GABBR2: variants seen among roughly 807,000 people sequenced by gnomAD.
The protein encoded by GABBR2 is gamma-aminobutyric acid type B receptor subunit 2.
Under a neutral mutation model 105.6 loss-of-function variants are expected in GABBR2, and 23 were observed. The ratio of observed to expected loss-of-function variants is 0.22; its 90% CI spans 0.16 to 0.31. The LOEUF is 0.31. Among genes scored for constraint, GABBR2 ranks in the 10% least tolerant of loss-of-function variants. The probability of loss-of-function intolerance (pLI) is 1.00; values close to 1 mark genes in which losing one functional copy is unlikely to be tolerated. For missense variants in GABBR2, 734 were observed against 1,245.5 expected (o/e 0.59, Z 6.18); for synonymous variants, 478 against 499.7 (o/e 0.96, Z 0.58).
chr9:98,377,016 C>T (rs1191060188), intron 11 of GABBR2, among the ~76,000 whole-genome samples: 3 of 152,222 alleles, frequency 2.0e-5, no homozygotes, highest in Non-Finnish European at 4.4e-5. Context: ...CGATCACAGG[C>T]CGAAATTCAG....
chr9:98,484,242 G>A (rs1588187540), intron 4 of GABBR2, among the ~76,000 whole-genome samples: 1 of 152,306 alleles, frequency 6.6e-6, no homozygotes. Flanking sequence ...CGAGTTGCAA[G>A]GACCACTTTG....
At chr9:98,591,377 G>A (rs74442750) in intron 1 of GABBR2, among the ~76,000 whole-genome samples, 1,791 of 152,284 alleles carry the variant, frequency 0.012, 33 homozygotes, top group African/African-American at 0.041. Context: ...CAGTGCGTCG[G>A]GAACACTGAA....
chr9:98,393,308 T>C (rs111359828), intron 9 of GABBR2, among the ~76,000 whole-genome samples: 3,119 of 120,894 alleles, frequency 0.026, no homozygotes, highest in African/African-American at 0.11. Context: ...TCCATCCATC[T>C]GCCCATTCAC....
intron 1 of GABBR2, chr9:98,608,087 T>G (rs1225443695): frequency 3.1e-6 from 4 of 1,311,208 alleles, no homozygotes; most frequent in Non-Finnish European, 4.4e-6. Context: ...AACAACGAAC[T>G]CTTCGAGAAC....
At chr9:98,305,738 C>T (rs1050094063) in intron 15 of GABBR2, among the ~76,000 whole-genome samples, 5 of 151,770 alleles carry the variant, frequency 3.3e-5, no homozygotes, top group African/African-American at 1.2e-4. Context: ...TTGCTCGATT[C>T]CGGGAGGTTG....
rs10985785 is a variant in GABBR2, at chr9:98,298,424, C to T, written c.2542+800G>A. ...GAACATCTCTGTGTTCATCTCTGCA[C>T]ACCTGGGAGTATTTGCAAGGGGCAG... On this transcript the variant is annotated intron_variant, in intron 17 of 18. Coordinates refer to ENST00000259455, the MANE Select transcript of GABBR2 (RefSeq NM_005458.8). 5.3e-4 allele frequency among the ~76,000 whole-genome samples: 81 copies of T among 152,328 alleles called. 3 individuals are homozygous for T. The highest frequency in any genetic ancestry group is 3.5e-3 in the Admixed American group (53 of 15,304).
intron 1 of GABBR2, among the ~76,000 whole-genome samples, chr9:98,582,200 G>A (rs1451012309): frequency 1.3e-5 from 2 of 152,218 alleles, no homozygotes; most frequent in Non-Finnish European, 2.9e-5. Flanking sequence ...TAAGCCCAGT[G>A]TAGTCACATA....
intron 7 of GABBR2, among the ~76,000 whole-genome samples, chr9:98,436,963 G>T (rs72759694): frequency 6.6e-6 from 1 of 152,118 alleles, no homozygotes; most frequent in Admixed American, 6.5e-5. Context: ...CAGCAGAAAT[G>T]CCCTAAGAAG....
chr9:98,355,554 C>T (rs1295685482), intron 13 of GABBR2, among the ~76,000 whole-genome samples: 1 of 152,040 alleles, frequency 6.6e-6, no homozygotes, highest in African/African-American at 2.4e-5. Context: ...CCACAATACT[C>T]TAATGAAAGA....
intron 17 of GABBR2, among the ~76,000 whole-genome samples, chr9:98,295,200 T>C (rs1830361057): frequency 6.6e-6 from 1 of 152,198 alleles, no homozygotes. Flanking sequence ...TGTGGGAAAA[T>C]GTGAGTTGCA....
At chr9:98,577,869 T>C (rs546690304) in intron 2 of GABBR2, 66 bp downstream of exon 2, 2 of 1,483,366 alleles carry the variant, frequency 1.3e-6, no homozygotes, top group Admixed American at 2.0e-5. Context: ...CAAGGAATAA[T>C]TCCTGCAAAA....
chr9:98,579,365 A>G (rs750494323), intron 1 of GABBR2, among the ~76,000 whole-genome samples: 1 of 152,176 alleles, frequency 6.6e-6, no homozygotes, highest in Non-Finnish European at 1.5e-5. Context: ...CACGACGAGT[A>G]TCAGGATTCA....
intron 1 of GABBR2, among the ~76,000 whole-genome samples, chr9:98,579,231 G>C (rs1193442887): frequency 2.0e-5 from 3 of 152,214 alleles, no homozygotes; most frequent in Non-Finnish European, 4.4e-5. Context: ...TCCAGGGCTG[G>C]ACGTTGAGGA....
At chr9:98,591,639 G>A (rs1489934185) in intron 1 of GABBR2, among the ~76,000 whole-genome samples, 1 of 152,202 alleles carries the variant, frequency 6.6e-6, no homozygotes, top group Non-Finnish European at 1.5e-5. Flanking sequence ...GTGTCCACTG[G>A]GGAATTCATT....
At chr9:98,607,416 A>C in intron 1 of GABBR2, 1 of 644,522 alleles carries the variant, frequency 1.6e-6, no homozygotes, top group Non-Finnish European at 2.8e-6. Context: ...CACAGAAGAC[A>C]CACTCACACC....
In GABBR2 at chr9:98,624,623, G is replaced by A. The variant is rs150785631; in HGVS notation, c.322-46551C>T. Among the ~76,000 whole-genome samples, 94 of 151,954 alleles carry A rather than the reference G, an allele frequency of 6.2e-4. 1 individual carries two copies. The highest frequency in any genetic ancestry group is 1.2e-3 in the Non-Finnish European group (83 of 67,924). On this transcript the variant is annotated intron_variant, in intron 1 of 18. Transcript: ENST00000259455. ...GAAGAGGAGGCAGCAAGGAGCTGCT[G>A]GTAGCAGCCAAGGAAGCAAGCTGCA...
chr9:98,613,498 G>T (rs1000986308), intron 1 of GABBR2, among the ~76,000 whole-genome samples: 1 of 152,092 alleles, frequency 6.6e-6, no homozygotes, highest in Non-Finnish European at 1.5e-5. Flanking sequence ...ATCTGGGCTG[G>T]CCTTGTGACT....
intron 11 of GABBR2, among the ~76,000 whole-genome samples, chr9:98,375,744 C>A (rs1233310751): frequency 1.0e-5 from 1 of 100,130 alleles, no homozygotes; most frequent in Non-Finnish European, 2.2e-5. Context: ...TTGGAAGACT[C>A]CCCCCCTTCT....
intron 4 of GABBR2, among the ~76,000 whole-genome samples, chr9:98,492,897 C>T (rs1307732982): frequency 2.6e-5 from 4 of 152,234 alleles, no homozygotes; most frequent in East Asian, 1.9e-4. Context: ...TCAGGTTTCT[C>T]GACCGTCAAG....
Sources: allele counts gnomAD v4.1 joint callset (sites outside exome capture counted in the v4.1 genomes callset), GRCh38; gene constraint gnomAD v4.1.1; transcripts MANE v1.5; gene names NCBI Gene and HGNC (gene_info 2026-07-23, HGNC 2026-07-21).